TANK: variants seen among roughly 807,000 people sequenced by gnomAD.
The protein encoded by TANK is TRAF family member associated NFKB activator.
TANK carries 15 observed loss-of-function variants against 43.6 expected under a neutral mutation model. The observed-to-expected ratio is 0.34, with a 90% CI of 0.23 to 0.53. The LOEUF (loss-of-function observed/expected upper bound fraction) is 0.53. TANK is among the 20% of genes least tolerant of loss of function. The pLI is 0.94. For synonymous variants in TANK, 162 were observed against 178.2 expected, an observed-to-expected ratio of 0.91 and a Z score of 0.73; for missense variants, 417 against 498.6, an observed-to-expected ratio of 0.84 and a Z score of 1.56.
chr2:161,208,251 C>T (rs950658448), intron 4 of TANK: 1 of 979,808 alleles, frequency 1.0e-6, no homozygotes, highest in African/African-American at 1.8e-5. Flanking sequence ...GGAAAGAGGC[C>T]CTTTTAGAAA....
At chr2:161,153,938 C>T (rs1353410158) in intron 1 of TANK, among the ~76,000 whole-genome samples, 1 of 152,170 alleles carries the variant, frequency 6.6e-6, no homozygotes, top group Non-Finnish European at 1.5e-5. Flanking sequence ...AGAACTCTCA[C>T]TTACAATCAT....
chr2:161,232,722 T>A, intron 7 of TANK: 1 of 1,547,570 alleles, frequency 6.5e-7, no homozygotes, highest in Non-Finnish European at 8.7e-7. Context: ...TCTTGCTTGT[T>A]CTTTTACTAG....
At chr2:161,162,734 T>C (rs1430364940) in intron 1 of TANK, 1 of 152,162 alleles carries the variant, frequency 6.6e-6, no homozygotes, top group Non-Finnish European at 1.5e-5. Context: ...ACTGTTTGGA[T>C]TGCATCCAAA....
In TANK at chr2:161,235,430, A is replaced by G; in HGVS notation, c.1190A>G (p.Glu397Gly). ...GAACTGCATATACCTCGAGTATGTGAATTCTGTCAAGCAGTTTTCCCACCA... is the reference window on the plus strand; with the variant it reads ...GAACTGCATATACCTCGAGTATGTGGATTCTGTCAAGCAGTTTTCCCACCA... Reference protein sequence around the residue: ...DSELHIPRVCEFCQAVFPPSI... With the variant: ...DSELHIPRVCGFCQAVFPPSI... The change falls in exon 8 of 8, where the codon GAA (glutamate) becomes GGA (glycine). Residue 397 changes from glutamate (E) to glycine (G), a missense_variant. Glu to Gly is a moderately conservative substitution (Grantham distance 98). Coordinates refer to ENST00000392749, the MANE Select transcript of TANK (RefSeq NM_001199135.3). 6.2e-7 allele frequency: 1 copy of G among 1,614,028 alleles called. No individual in the cohort carries two copies. The highest frequency in any genetic ancestry group is 8.5e-7 in the Non-Finnish European group (1 of 1,179,952).
intron 2 of TANK, among the ~76,000 whole-genome samples, chr2:161,191,014 G>C (rs1174403967): frequency 3.3e-5 from 5 of 152,094 alleles, no homozygotes; most frequent in Non-Finnish European, 7.4e-5. Context: ...TATTCAACTT[G>C]TCACTCATCA....
At chr2:161,216,752 A>G (rs930022407) in intron 4 of TANK, among the ~76,000 whole-genome samples, 1 of 152,212 alleles carries the variant, frequency 6.6e-6, no homozygotes, top group Non-Finnish European at 1.5e-5. Flanking sequence ...TTATGTGTGC[A>G]TAGATACGTA....
intron 6 of TANK, among the ~76,000 whole-genome samples, chr2:161,228,434 G>C (rs1216017031): frequency 6.6e-6 from 1 of 152,214 alleles, no homozygotes; most frequent in African/African-American, 2.4e-5. Flanking sequence ...GGGAGGCTGA[G>C]GCAGGAGAAT....
At chr2:161,204,134 T>TA (rs144449139) in intron 3 of TANK, among the ~76,000 whole-genome samples, 17,416 of 152,146 alleles carry the variant, frequency 0.11, 1,720 homozygotes, top group African/African-American at 0.26. Context: ...AAATAAGTGT[T>TA]TTTTTCATTT....
intron 4 of TANK, among the ~76,000 whole-genome samples, chr2:161,216,710 A>G (rs982056671): frequency 1.3e-5 from 2 of 152,146 alleles, no homozygotes; most frequent in African/African-American, 4.8e-5. Flanking sequence ...CTAACAGAAA[A>G]GAAGACAAGT....
At chr2:161,179,209 T>G (rs1388750677) in intron 1 of TANK, among the ~76,000 whole-genome samples, 1 of 152,178 alleles carries the variant, frequency 6.6e-6, no homozygotes, top group Non-Finnish European at 1.5e-5. Context: ...CTAATTTCAG[T>G]GTAGCAAGAA....
intron 1 of TANK, among the ~76,000 whole-genome samples, chr2:161,165,507 C>T (rs941714587): frequency 5.3e-5 from 8 of 152,104 alleles, no homozygotes; most frequent in African/African-American, 1.7e-4. Context: ...GTAGAAATGC[C>T]TTTCCCTTGA....
chr2:161,172,898 C>T (rs1033422184), intron 1 of TANK, among the ~76,000 whole-genome samples: 7 of 152,128 alleles, frequency 4.6e-5, no homozygotes, highest in African/African-American at 1.7e-4. Context: ...CATCTTTTAC[C>T]TAGAATACAG....
Position 161,195,122 on chromosome 2 carries a change from G to A in TANK, c.100-8365G>A, listed in dbSNP as rs75311559. 8.1e-4 allele frequency among the ~76,000 whole-genome samples: 123 copies of A among 152,306 alleles called. No individual in the cohort carries two copies. The East Asian group carries it at 0.019, about 24-fold the overall frequency. ...CGTGTTAAAACTTTTAGTCAGGTAT[G>A]TAGGATATATGTTCAAGGAGATTGG... is the stretch of plus-strand genomic sequence containing the variant. On this transcript the variant is annotated intron_variant, in intron 2 of 7. Transcript: ENST00000392749.
chr2:161,162,726 T>C (rs544158588), intron 1 of TANK: 1 of 152,296 alleles, frequency 6.6e-6, no homozygotes, highest in Non-Finnish European at 1.5e-5. Context: ...TGCAGAGAAC[T>C]GTTTGGATTG....
At chr2:161,173,255 G>A (rs1277385938) in intron 1 of TANK, among the ~76,000 whole-genome samples, 2 of 151,970 alleles carry the variant, frequency 1.3e-5, no homozygotes, top group Non-Finnish European at 2.9e-5. Flanking sequence ...CCCTCACCTC[G>A]CTATCATCTC....
At chr2:161,214,729 C>T (rs1317633370) in intron 4 of TANK, among the ~76,000 whole-genome samples, 2 of 152,118 alleles carry the variant, frequency 1.3e-5, no homozygotes, top group African/African-American at 4.8e-5. Flanking sequence ...TTTTATTCTA[C>T]TTACAAGCTA....
chr2:161,207,373 T>G (rs1451383340), intron 4 of TANK: 1 of 968,212 alleles, frequency 1.0e-6, no homozygotes, highest in Non-Finnish European at 1.2e-6. Context: ...GGTTTATGTT[T>G]TAGCCACATT....
chr2:161,209,445 A>T (rs1301986706), intron 4 of TANK, among the ~76,000 whole-genome samples: 1 of 152,218 alleles, frequency 6.6e-6, no homozygotes. Flanking sequence ...TTCTATAAAA[A>T]TACAAAACTA....
At chr2:161,207,012 A>G (rs1032520298) in intron 4 of TANK, among the ~76,000 whole-genome samples, 3 of 152,224 alleles carry the variant, frequency 2.0e-5, no homozygotes, top group South Asian at 4.1e-4. Flanking sequence ...AGATATAGTA[A>G]TAGTTTTGTT....
Sources: gnomAD v4.1 joint callset for allele counts (sites outside exome capture counted in the v4.1 genomes callset) on GRCh38, gnomAD v4.1.1 for gene constraint, MANE v1.5 for transcripts, NCBI Gene and HGNC (gene_info 2026-07-23, HGNC 2026-07-21) for gene names.